REDIC1: variants seen among roughly 807,000 people sequenced by gnomAD.
REDIC1 encodes HEI10 Interacting Protein 1.
At chr12:39,728,177 A>G in the REDIC1 span, among the ~76,000 whole-genome samples, 2 of 152,234 alleles carry the variant, frequency 1.3e-5, no homozygotes, top group Non-Finnish European at 2.9e-5. Context: ...TTCCAATTCT[A>G]TGTTGAATAG....
the REDIC1 span, among the ~76,000 whole-genome samples, chr12:39,705,689 T>C: frequency 6.6e-6 from 1 of 152,014 alleles, no homozygotes; most frequent in African/African-American, 2.4e-5. Flanking sequence ...TACATCATAA[T>C]AACAGAATGA....
chr12:39,720,747 G>A, the REDIC1 span: 3 of 1,419,826 alleles, frequency 2.1e-6, no homozygotes, highest in South Asian at 3.7e-5. Context: ...TTTTTAAAAT[G>A]TAAGCATGGT....
At chr12:39,828,751 G>A in the REDIC1 span, among the ~76,000 whole-genome samples, 139 of 151,054 alleles carry the variant, frequency 9.2e-4, no homozygotes, top group African/African-American at 3.3e-3. Flanking sequence ...AAACTCTAAA[G>A]GTTTAAAGCT....
chr12:39,742,305 C>CT, the REDIC1 span, among the ~76,000 whole-genome samples: 2 of 152,054 alleles, frequency 1.3e-5, no homozygotes, highest in African/African-American at 2.4e-5. Context: ...GTTAAATATC[C>CT]TTTTTTTCAA....
At chr12:39,900,454 A>C in the REDIC1 span, among the ~76,000 whole-genome samples, 4 of 152,154 alleles carry the variant, frequency 2.6e-5, no homozygotes, top group South Asian at 6.2e-4. Flanking sequence ...GTCTCAGCCC[A>C]AAATCTCCTT....
At chr12:39,890,670 A>G in the REDIC1 span, among the ~76,000 whole-genome samples, 1 of 152,140 alleles carries the variant, frequency 6.6e-6, no homozygotes, top group Non-Finnish European at 1.5e-5. Context: ...ATATGTATTG[A>G]AACATCACGT....
the REDIC1 span, among the ~76,000 whole-genome samples, chr12:39,834,451 C>A: frequency 6.6e-6 from 1 of 152,160 alleles, no homozygotes; most frequent in African/African-American, 2.4e-5. Context: ...AACACCAAGT[C>A]TCACTAGTTA....
At chr12:39,714,157 GCA>G in the REDIC1 span, among the ~76,000 whole-genome samples, 11 of 8,358 alleles carry the variant, frequency 1.3e-3, no homozygotes, top group Non-Finnish European at 5.1e-3. Context: ...GTATATACAT[GCA>G]TATATGCGTA....
chr12:39,700,992 G>A, the REDIC1 span, among the ~76,000 whole-genome samples: 2 of 152,042 alleles, frequency 1.3e-5, no homozygotes, highest in Admixed American at 6.5e-5. Flanking sequence ...ATGCCAAAAT[G>A]TAAAGACCAT....
At chr12:39,699,054 G>T in the REDIC1 span, among the ~76,000 whole-genome samples, 1 of 152,124 alleles carries the variant, frequency 6.6e-6, no homozygotes, top group Non-Finnish European at 1.5e-5. Flanking sequence ...AAAAAAGTTG[G>T]TTTTTGAAAA....
chr12:39,715,587 G>C, the REDIC1 span, among the ~76,000 whole-genome samples: 25 of 151,962 alleles, frequency 1.6e-4, no homozygotes, highest in African/African-American at 6.0e-4. Context: ...TCTAAAATCT[G>C]TATGGAACCG....
chr12:39,682,410 TACTC>T, the REDIC1 span, among the ~76,000 whole-genome samples: 4 of 152,124 alleles, frequency 2.6e-5, no homozygotes, highest in African/African-American at 4.8e-5. Context: ...ATTATTTTCT[TACTC>T]AATAAGTCAT....
chr12:39,714,363 A>G, the REDIC1 span, among the ~76,000 whole-genome samples: 1 of 141,202 alleles, frequency 7.1e-6, no homozygotes, highest in African/African-American at 2.6e-5. Context: ...ATGTGTATAT[A>G]TGTGCTTCCA....
the REDIC1 span, among the ~76,000 whole-genome samples, chr12:39,770,043 T>C: frequency 3.9e-5 from 6 of 152,116 alleles, no homozygotes; most frequent in Non-Finnish European, 8.8e-5. Flanking sequence ...TCTTTGCTTT[T>C]ATATCTGTAT....
the REDIC1 span, among the ~76,000 whole-genome samples, chr12:39,789,273 G>A: frequency 1.3e-5 from 2 of 151,532 alleles, no homozygotes; most frequent in African/African-American, 2.4e-5. Context: ...CATATCACTT[G>A]GTTGTGCCTG....
At chr12:39,884,675 C>T in the REDIC1 span, among the ~76,000 whole-genome samples, 39 of 152,246 alleles carry the variant, frequency 2.6e-4, no homozygotes, top group African/African-American at 8.4e-4. Flanking sequence ...ATAACAAGGA[C>T]ACACTGGTGG....
chr12:39,647,953 A>C, the REDIC1 span: 1 of 1,571,210 alleles, frequency 6.4e-7, no homozygotes, highest in Non-Finnish European at 8.6e-7. Context: ...AGAAACTTGC[A>C]TATGAAAAAA....
chr12:39,682,689 ACAGT>A, the REDIC1 span: 5 of 1,612,134 alleles, frequency 3.1e-6, no homozygotes, highest in African/African-American at 1.3e-5. Context: ...ATGAAATAAG[ACAGT>A]CAGACTACAT....
the REDIC1 span, chr12:39,684,359 T>C: frequency 1.4e-6 from 1 of 698,494 alleles, no homozygotes; most frequent in East Asian, 1.3e-4. Flanking sequence ...TAGCCAAATC[T>C]TTCTGGTTGG....
Sources: gnomAD v4.1 joint callset for allele counts (sites outside exome capture counted in the v4.1 genomes callset) on GRCh38, gnomAD v4.1.1 for gene constraint, MANE v1.5 for transcripts, NCBI Gene and HGNC (gene_info 2026-07-23, HGNC 2026-07-21) for gene names.